The following SLC4A4 variants were observed in gnomAD, a reference collection of about 807,000 sequenced individuals.
SLC4A4 encodes the protein solute carrier family 4 member 4, also known as electrogenic sodium bicarbonate cotransporter 1.
SLC4A4 carries 27 observed loss-of-function variants against 111.5 expected under a neutral mutation model. That is an observed-to-expected ratio of 0.24 (90% CI 0.18 to 0.33). The LOEUF (loss-of-function observed/expected upper bound fraction) is 0.33. Ranked by LOEUF, SLC4A4 falls within the 10% of genes least tolerant of loss-of-function variation. The pLI is 1.00. For missense variants in SLC4A4, 909 were observed against 1,315.5 expected (o/e 0.69, Z 4.78); for synonymous variants, 443 against 463.4 (o/e 0.96, Z 0.57).
chr4:71,417,046 C>A (rs1721890650), intron 7 of SLC4A4, among the ~76,000 whole-genome samples: 2 of 152,122 alleles, frequency 1.3e-5, no homozygotes, highest in African/African-American at 4.8e-5. Context: ...GTTAGTGGAG[C>A]TATCAGTGTC....
At chr4:71,559,816 A>G (rs1380078274) in intron 22 of SLC4A4, among the ~76,000 whole-genome samples, 2 of 151,908 alleles carry the variant, frequency 1.3e-5, no homozygotes, top group African/African-American at 2.4e-5. Context: ...TTGAAAAACA[A>G]TCTTTTCACA....
intron 3 of SLC4A4, among the ~76,000 whole-genome samples, chr4:71,335,067 A>C (rs1728324595): frequency 6.6e-6 from 1 of 152,014 alleles, no homozygotes; most frequent in Non-Finnish European, 1.5e-5. Flanking sequence ...GGCCTACGTG[A>C]AGTGGAGGGA....
intron 12 of SLC4A4, among the ~76,000 whole-genome samples, chr4:71,455,224 A>G (rs890987882): frequency 1.3e-5 from 2 of 152,202 alleles, no homozygotes; most frequent in African/African-American, 2.4e-5. Flanking sequence ...AGGAAATAAT[A>G]TCGTGCTGGT....
chr4:71,296,876 A>G (rs1578778338), intron 3 of SLC4A4, among the ~76,000 whole-genome samples: 1 of 152,348 alleles, frequency 6.6e-6, no homozygotes, highest in East Asian at 1.9e-4. Flanking sequence ...GGCAGAACAT[A>G]AGAAATTATC....
At chr4:71,205,339 C>A (rs1717683723) in intron 1 of SLC4A4, among the ~76,000 whole-genome samples, 1 of 152,160 alleles carries the variant, frequency 6.6e-6, no homozygotes, top group African/African-American at 2.4e-5. Flanking sequence ...AATGTTGTTT[C>A]TTTGCATACG....
intron 1 of SLC4A4, among the ~76,000 whole-genome samples, chr4:71,218,430 T>C (rs1718557318): frequency 1.3e-5 from 2 of 152,224 alleles, no homozygotes; most frequent in Non-Finnish European, 2.9e-5. Context: ...AACTTAATTT[T>C]GGAATGCCAT....
chr4:71,495,418 T>G (rs1730313920), intron 15 of SLC4A4, among the ~76,000 whole-genome samples: 1 of 152,098 alleles, frequency 6.6e-6, no homozygotes, highest in South Asian at 2.1e-4. Flanking sequence ...TATGCTGCTG[T>G]AAACATCCAT....
chr4:71,310,881 G>C (rs919145807), intron 3 of SLC4A4, among the ~76,000 whole-genome samples: 3 of 152,178 alleles, frequency 2.0e-5, no homozygotes, highest in Admixed American at 2.0e-4. Context: ...GGCACAGACT[G>C]CCAAATTGGA....
At chr4:71,194,490 CT>C (rs1745894682) in intron 1 of SLC4A4, among the ~76,000 whole-genome samples, 1 of 152,104 alleles carries the variant, frequency 6.6e-6, no homozygotes, top group Non-Finnish European at 1.5e-5. Flanking sequence ...AGGACTTTTA[CT>C]TTTTATTGCT....
chr4:71,532,073 G>T lies in SLC4A4; in HGVS notation c.2178G>T (p.Leu726=). ...TTTTATTTTTCCAGGCAAGAAAACT[G>T]ATCAGTGATTTTGCCATTATCTTGT... is the stretch of plus-strand genomic sequence containing the variant. The part of the protein sequence containing the change: ...SPYFPTTARK[L]ISDFAIILSI... The change falls in exon 17 of 26, where the codon CTG becomes CTT. Residue 726 remains leucine, a synonymous_variant. Transcript: ENST00000264485. 6.2e-7 allele frequency: 1 copy of T among 1,607,722 alleles called. No individual in the cohort carries two copies. Among genetic ancestry groups the T allele is most frequent in the Non-Finnish European group, 8.5e-7 (1 of 1,174,622 alleles).
intron 3 of SLC4A4, among the ~76,000 whole-genome samples, chr4:71,293,833 TTA>T (rs1560385044): frequency 6.6e-6 from 1 of 152,196 alleles, no homozygotes; most frequent in Admixed American, 6.5e-5. Context: ...ATATTACAAC[TTA>T]TAACGTATCG....
At position 71,436,109 on chromosome 4, in the gene SLC4A4, G is replaced by A. The variant is rs201581182; in HGVS notation, c.808-4507G>A. Among the ~76,000 whole-genome samples, 5 of 152,192 alleles carry A rather than the reference G, an allele frequency of 3.3e-5. No homozygotes were observed. In the East Asian group the frequency reaches 5.8e-4, roughly 18 times the overall value. The stretch of plus-strand genomic sequence containing the variant: ...TTCTGCTATAAAGACACATGCACAC[G>A]TATGTTTATTGTGGCACTGTTCACA... On this transcript the variant is annotated intron_variant, in intron 7 of 25. Coordinates refer to ENST00000264485, the MANE Select transcript of SLC4A4 (RefSeq NM_001098484.3).
rs1357181364 is a variant in SLC4A4, at chr4:71,570,440, A to C, written c.*2689A>C. On this transcript the variant is annotated 3_prime_UTR_variant, in exon 26 of 26. Transcript: ENST00000264485. Reference sequence around the variant, plus strand: ...ACAGAAGTAGTTAACCAAACTAACAAGCAAAACCTGAGGTTTACCTAGTGA... The same window carrying C: ...ACAGAAGTAGTTAACCAAACTAACACGCAAAACCTGAGGTTTACCTAGTGA... 2 of 152,304 alleles carry C rather than the reference A, an allele frequency of 1.3e-5. No homozygotes were observed. Among genetic ancestry groups the C allele is most frequent in the Non-Finnish European group, 2.9e-5 (2 of 67,874 alleles). 9.4% of individuals were successfully genotyped at this position (152,304 alleles called of 1,614,324 possible).
chr4:71,531,953 C>A, intron 16 of SLC4A4, 109 bp from the exon 17 acceptor site: 1 of 715,134 alleles, frequency 1.4e-6, no homozygotes. Context: ...GTTGATGAAG[C>A]TGTTGCTATA....
intron 2 of SLC4A4, among the ~76,000 whole-genome samples, chr4:71,251,388 A>G (rs1721059730): frequency 1.3e-5 from 2 of 152,190 alleles, no homozygotes; most frequent in Non-Finnish European, 2.9e-5. Flanking sequence ...CCTACTTGCA[A>G]CTGGGGTGGA....
chr4:71,391,534 A>G (rs989828021), intron 6 of SLC4A4, among the ~76,000 whole-genome samples: 1 of 152,132 alleles, frequency 6.6e-6, no homozygotes, highest in South Asian at 2.1e-4. Context: ...TTAGTACAGA[A>G]TGTAATTAAT....
intron 7 of SLC4A4, among the ~76,000 whole-genome samples, chr4:71,435,547 A>G (rs1421054401): frequency 3.3e-5 from 5 of 152,260 alleles, no homozygotes. Flanking sequence ...ACAAAAGCCA[A>G]AATTGACAAA....
rs1015935422 is a variant in SLC4A4 at position 71,300,851 on chromosome 4, G to A, written c.254-38519G>A. 1.5e-5 allele frequency: 7 copies of A among 471,816 alleles called. No homozygotes were observed. In the Admixed American group the frequency reaches 1.5e-4, roughly 10 times the overall value. 29.2% of individuals were successfully genotyped at this position (471,816 alleles called of 1,614,324 possible). A position where few individuals can be genotyped will look rare whatever the true frequency, so the allele number is the denominator to read the frequency against. On this transcript the variant is annotated intron_variant, in intron 3 of 25. Coordinates refer to ENST00000264485, the MANE Select transcript of SLC4A4 (RefSeq NM_001098484.3). ...AAGCAGTGCTGGAGGCAGAGACAGT[G>A]GAACAGGGCCCGCTTCCAATCTTGA...
intron 2 of SLC4A4, among the ~76,000 whole-genome samples, chr4:71,147,353 C>T (rs77202036): frequency 0.013 from 1,989 of 152,250 alleles, 40 homozygotes; most frequent in African/African-American, 0.045. Context: ...TTTTCATCCT[C>T]CTCACCTCTG....
Sources: gnomAD v4.1 joint callset for allele counts (sites outside exome capture counted in the v4.1 genomes callset) on GRCh38, gnomAD v4.1.1 for gene constraint, MANE v1.5 for transcripts, NCBI Gene and HGNC (gene_info 2026-07-23, HGNC 2026-07-21) for gene names.